CPQ: variants seen among roughly 807,000 people sequenced by gnomAD.
The protein encoded by CPQ is Ser-Met dipeptidase.
Under a neutral mutation model 45.7 loss-of-function variants are expected in CPQ, and 37 were observed. The ratio of observed to expected loss-of-function variants is 0.81; its 90% CI spans 0.62 to 1.07. The LOEUF is 1.07. Among genes scored for constraint, CPQ ranks in the 50% least tolerant of loss-of-function variants. The pLI is 0.00. For missense variants in CPQ, 537 were observed against 572.9 expected (o/e 0.94, Z 0.64); for synonymous variants, 186 against 205.8 (o/e 0.90, Z 0.82).
chr8:97,039,583 T>G (rs199950241), intron 6 of CPQ, among the ~76,000 whole-genome samples: 12 of 152,072 alleles, frequency 7.9e-5, no homozygotes, highest in African/African-American at 2.9e-4. Flanking sequence ...GCTGCACCCA[T>G]TAACTCGTCA....
intron 4 of CPQ, among the ~76,000 whole-genome samples, chr8:96,931,253 T>G (rs1415354607): frequency 6.6e-6 from 1 of 152,200 alleles, no homozygotes; most frequent in Non-Finnish European, 1.5e-5. Flanking sequence ...TCGTTTTGTT[T>G]TCAACTTTCT....
chr8:96,687,025 TG>T (rs1428956546), intron 1 of CPQ, among the ~76,000 whole-genome samples: 1 of 152,148 alleles, frequency 6.6e-6, no homozygotes, highest in Non-Finnish European at 1.5e-5. Flanking sequence ...TCTTGTTCTT[TG>T]TATTTGTATT....
chr8:97,117,543 C>CT (rs975922080), intron 7 of CPQ, among the ~76,000 whole-genome samples: 4 of 151,586 alleles, frequency 2.6e-5, no homozygotes, highest in South Asian at 4.2e-4. Context: ...TAATATTCTT[C>CT]TTTTTTTTGA....
At chr8:96,932,861 A>G (rs1052373426) in intron 4 of CPQ, among the ~76,000 whole-genome samples, 2 of 152,170 alleles carry the variant, frequency 1.3e-5, no homozygotes, top group African/African-American at 4.8e-5. Context: ...TTGTTGGACA[A>G]ATGTCTGCAT....
intron 1 of CPQ, among the ~76,000 whole-genome samples, chr8:96,699,031 C>T (rs7017167): frequency 0.26 from 40,269 of 152,070 alleles, 5,727 homozygotes; most frequent in East Asian, 0.6. Flanking sequence ...ATCTATGCTC[C>T]CATGTTTGTT....
At chr8:96,815,567 A>T (rs1811217072) in intron 2 of CPQ, among the ~76,000 whole-genome samples, 1 of 152,130 alleles carries the variant, frequency 6.6e-6, no homozygotes, top group Non-Finnish European at 1.5e-5. Flanking sequence ...GGGATTTTGA[A>T]TTCTCTGATC....
At chr8:96,766,145 G>A (rs989778298) in intron 1 of CPQ, among the ~76,000 whole-genome samples, 4 of 152,246 alleles carry the variant, frequency 2.6e-5, no homozygotes, top group African/African-American at 7.2e-5. Flanking sequence ...ACATTTACTG[G>A]TTGCTTTTGA....
chr8:96,963,614 G>A (rs1008977153), intron 4 of CPQ, among the ~76,000 whole-genome samples: 6 of 152,122 alleles, frequency 3.9e-5, no homozygotes, highest in Middle Eastern at 3.2e-3. Context: ...AAGAAGATTG[G>A]TTCAACTTTG....
At chr8:96,690,604 G>A (rs1809293091) in intron 1 of CPQ, among the ~76,000 whole-genome samples, 1 of 152,134 alleles carries the variant, frequency 6.6e-6, no homozygotes, top group African/African-American at 2.4e-5. Context: ...GCTTACTTTG[G>A]AAGATTGTTT....
At chr8:96,808,781 C>G (rs912995700) in intron 2 of CPQ, among the ~76,000 whole-genome samples, 1 of 152,144 alleles carries the variant, frequency 6.6e-6, no homozygotes, top group Non-Finnish European at 1.5e-5. Flanking sequence ...CTTTTAGCCT[C>G]TGTTTCCTCA....
chr8:96,880,015 G>A lies in CPQ; in HGVS notation c.849+10G>A. 6.2e-7 allele frequency: 1 copy of A among 1,607,594 alleles called. No individual in the cohort carries two copies. Among genetic ancestry groups the A allele is most frequent in the South Asian group, 1.1e-5 (1 of 90,926 alleles). ...CAAATATCCAGAACAGGTGAGTGAA[G>A]GAGAAGGCTGGCCTAAGAATACAGT... On this transcript the variant is annotated intron_variant, in intron 4 of 7. Transcript: ENST00000220763.
chr8:96,766,750 G>A (rs1810472794), intron 1 of CPQ, among the ~76,000 whole-genome samples: 1 of 152,138 alleles, frequency 6.6e-6, no homozygotes, highest in African/African-American at 2.4e-5. Context: ...TCCCACTCTT[G>A]GCCAGGCACT....
chr8:96,784,836 T>C lies in CPQ; in HGVS notation c.-34-28T>C, dbSNP rs150845839. On this transcript the variant is annotated intron_variant, in intron 1 of 7. Coordinates refer to ENST00000220763, the MANE Select transcript of CPQ (RefSeq NM_016134.4). ...AGATAGCTGTGAGATTCTTTTCCCC[T>C]AAAACATAATGTTTCTTATTTATGT... 156 of 1,493,142 alleles carry C rather than the reference T, an allele frequency of 1.0e-4. 1 individual carries two copies. The East Asian group carries it at 3.6e-3, about 34-fold the overall frequency. 92.5% of individuals were successfully genotyped at this position (1,493,142 alleles called of 1,614,324 possible).
At chr8:96,686,698 A>G (rs984554209) in intron 1 of CPQ, among the ~76,000 whole-genome samples, 24 of 151,912 alleles carry the variant, frequency 1.6e-4, no homozygotes, top group African/African-American at 5.6e-4. Flanking sequence ...ATATGTTATA[A>G]ATATACATTT....
At chr8:96,773,811 G>A (rs1413908464) in intron 1 of CPQ, among the ~76,000 whole-genome samples, 1 of 152,142 alleles carries the variant, frequency 6.6e-6, no homozygotes, top group Non-Finnish European at 1.5e-5. Context: ...CTTTGGAGGG[G>A]ATGAATCCTA....
At chr8:96,966,658 T>TG (rs1441785856) in intron 5 of CPQ, among the ~76,000 whole-genome samples, 2 of 152,172 alleles carry the variant, frequency 1.3e-5, no homozygotes, top group African/African-American at 4.8e-5. Flanking sequence ...AGATGTCCCC[T>TG]GGGGGGCCAG....
At chr8:97,122,951 TAAAA>T in intron 7 of CPQ, among the ~76,000 whole-genome samples, 1 of 60,864 alleles carries the variant, frequency 1.6e-5, no homozygotes, top group Non-Finnish European at 2.6e-5. Context: ...TAAAATAAAA[TAAAA>T]TAAAATAAAA....
chr8:96,777,929 C>T (rs1048707706), intron 1 of CPQ, among the ~76,000 whole-genome samples: 11 of 150,556 alleles, frequency 7.3e-5, no homozygotes, highest in African/African-American at 2.2e-4. Context: ...AGGGTTTCAC[C>T]GTGTTAGCCA....
intron 2 of CPQ, among the ~76,000 whole-genome samples, chr8:96,822,577 G>T (rs2130838343): frequency 6.6e-6 from 1 of 151,838 alleles, no homozygotes; most frequent in East Asian, 2.0e-4. Context: ...ACTTATCCCT[G>T]CCAACACAAA....
Sources: gnomAD v4.1 joint callset for allele counts (sites outside exome capture counted in the v4.1 genomes callset) on GRCh38, gnomAD v4.1.1 for gene constraint, MANE v1.5 for transcripts, NCBI Gene and HGNC (gene_info 2026-07-23, HGNC 2026-07-21) for gene names.